STK39: variants seen among roughly 807,000 people sequenced by gnomAD.
STK39 encodes STE20/SPS1-related proline-alanine-rich protein kinase.
Under a neutral mutation model 77.8 loss-of-function variants are expected in STK39, and 20 were observed. The ratio of observed to expected loss-of-function variants is 0.26; its 90% CI spans 0.18 to 0.37. The LOEUF is 0.37. STK39 is among the 10% of genes least tolerant of loss of function. The pLI is 1.00. For synonymous variants in STK39, 246 were observed against 234.1 expected, an observed-to-expected ratio of 1.05 and a Z score of -0.47; for missense variants, 479 against 656.5, an observed-to-expected ratio of 0.73 and a Z score of 2.95.
Position 168,182,058 on chromosome 2 carries a change from GGGC to G in STK39, c.238_240del (p.Ala80del). Reference sequence around the variant, plus strand: ...ACACGTTCTTGCCTGGGTTTGCATAGGGCTGCCTGAACCACAGCAGTAGCTCCA... The same window carrying G: ...ACACGTTCTTGCCTGGGTTTGCATAGTGCCTGAACCACAGCAGTAGCTCCA... On this transcript the variant is annotated inframe_deletion, in exon 2 of 18. Coordinates refer to ENST00000355999, the MANE Select transcript of STK39 (RefSeq NM_013233.3). 1.2e-6 allele frequency: 2 copies of G among 1,613,926 alleles called. No individual in the cohort carries two copies. The highest frequency in any genetic ancestry group is 1.7e-6 in the Non-Finnish European group (2 of 1,179,936).
intron 14 of STK39, among the ~76,000 whole-genome samples, chr2:168,041,520 T>C (rs2105352711): frequency 6.6e-6 from 1 of 152,266 alleles, no homozygotes; most frequent in South Asian, 2.1e-4. Flanking sequence ...CTACAGTATG[T>C]CTGCAAGTGG....
At chr2:168,068,667 T>C (rs1685859882) in intron 12 of STK39, among the ~76,000 whole-genome samples, 1 of 152,250 alleles carries the variant, frequency 6.6e-6, no homozygotes, top group Non-Finnish European at 1.5e-5. Context: ...TTCAGATATA[T>C]TGCAGATTTC....
intron 5 of STK39, among the ~76,000 whole-genome samples, chr2:168,156,321 C>A (rs568714799): frequency 1.3e-5 from 2 of 152,268 alleles, no homozygotes; most frequent in African/African-American, 4.8e-5. Flanking sequence ...ACAGGCAGGT[C>A]CCTCATCTGC....
intron 10 of STK39, among the ~76,000 whole-genome samples, chr2:168,103,645 C>T (rs1484829235): frequency 1.3e-5 from 2 of 152,196 alleles, no homozygotes; most frequent in Non-Finnish European, 2.9e-5. Context: ...TTCTCTTAGA[C>T]TATCTCTTTA....
chr2:168,138,414 C>CT (rs1240306887), intron 7 of STK39, among the ~76,000 whole-genome samples, 193 bp from the exon 8 acceptor site: 17 of 152,302 alleles, frequency 1.1e-4, no homozygotes, highest in Non-Finnish European at 2.5e-4. Flanking sequence ...CCCCTTTAAC[C>CT]TTTTTGTTAT....
At chr2:167,997,063 C>T (rs1477854411) in intron 16 of STK39, among the ~76,000 whole-genome samples, 1 of 149,156 alleles carries the variant, frequency 6.7e-6, no homozygotes, top group Non-Finnish European at 1.5e-5. Flanking sequence ...ATCTAGTTGC[C>T]TACACCCTTC....
intron 17 of STK39, among the ~76,000 whole-genome samples, chr2:167,962,139 C>A (rs1691999976): frequency 6.6e-6 from 1 of 152,108 alleles, no homozygotes; most frequent in Non-Finnish European, 1.5e-5. Flanking sequence ...TGACGTTTTC[C>A]TTTAAAAAGT....
At chr2:168,082,789 G>T (rs1232168491) in intron 10 of STK39, among the ~76,000 whole-genome samples, 1 of 152,142 alleles carries the variant, frequency 6.6e-6, no homozygotes, top group Non-Finnish European at 1.5e-5. Context: ...TGTTCTGTTG[G>T]ATATAAACAC....
chr2:168,246,916 G>C (rs1306706848), intron 1 of STK39, among the ~76,000 whole-genome samples: 1 of 151,932 alleles, frequency 6.6e-6, no homozygotes, highest in Non-Finnish European at 1.5e-5. Context: ...AGATGCGGCG[G>C]CGCCGCCTGG....
intron 14 of STK39, among the ~76,000 whole-genome samples, chr2:168,020,433 A>G (rs1684541069): frequency 6.6e-6 from 1 of 152,112 alleles, no homozygotes; most frequent in Non-Finnish European, 1.5e-5. Context: ...AATTCCACTG[A>G]ATATGTGTGA....
intron 14 of STK39, among the ~76,000 whole-genome samples, chr2:168,041,916 C>T (rs1463391733): frequency 2.0e-5 from 3 of 152,170 alleles, no homozygotes. Context: ...GTCAAGCTCT[C>T]TGCCATGTTA....
At chr2:168,244,380 C>T (rs1455606144) in intron 1 of STK39, among the ~76,000 whole-genome samples, 1 of 152,190 alleles carries the variant, frequency 6.6e-6, no homozygotes, top group African/African-American at 2.4e-5. Flanking sequence ...CCTCCGTGCC[C>T]GTGCCATGCT....
At chr2:168,231,418 C>T (rs1690452297) in intron 1 of STK39, among the ~76,000 whole-genome samples, 1 of 151,734 alleles carries the variant, frequency 6.6e-6, no homozygotes, top group African/African-American at 2.4e-5. Flanking sequence ...AACATGACAC[C>T]AGCACAAGTG....
intron 14 of STK39, among the ~76,000 whole-genome samples, chr2:168,033,085 A>C (rs1684867487): frequency 6.6e-6 from 1 of 152,186 alleles, no homozygotes; most frequent in South Asian, 2.1e-4. Context: ...ACATAAGTAC[A>C]TTCCCAATAA....
intron 1 of STK39, among the ~76,000 whole-genome samples, chr2:168,208,604 C>G (rs1445329241): frequency 6.6e-6 from 1 of 152,198 alleles, no homozygotes; most frequent in Non-Finnish European, 1.5e-5. Context: ...ATGTCTTCTC[C>G]AAGATTCCAA....
chr2:168,064,427 G>A (rs566253155), intron 13 of STK39, among the ~76,000 whole-genome samples: 1 of 152,132 alleles, frequency 6.6e-6, no homozygotes, highest in East Asian at 1.9e-4. Flanking sequence ...ATCCTGACTT[G>A]GCCTCTAACT....
At chr2:168,216,558 C>G (rs944656715) in intron 1 of STK39, among the ~76,000 whole-genome samples, 4 of 152,170 alleles carry the variant, frequency 2.6e-5, no homozygotes, top group African/African-American at 9.7e-5. Context: ...TAGGTTTGGA[C>G]AGTCCAGGAG....
chr2:168,211,173 TA>T (rs1265524930), intron 1 of STK39, among the ~76,000 whole-genome samples: 3 of 152,084 alleles, frequency 2.0e-5, no homozygotes, highest in Non-Finnish European at 4.4e-5. Context: ...ATCTAGACAA[TA>T]AAAATATTTT....
Position 167,955,361 on chromosome 2 carries a change from C to A in STK39, c.*135G>T. 1.3e-6 allele frequency: 1 copy of A among 799,248 alleles called. No individual in the cohort carries two copies. Among genetic ancestry groups the A allele is most frequent in the Non-Finnish European group, 2.0e-6 (1 of 507,782 alleles). 49.5% of individuals were successfully genotyped at this position (799,248 alleles called of 1,614,324 possible). ...TTTATCCCATTTTGTTGAAGCCGGC[C>A]TCTTCACAATCTTCTGATTTTGCTA... On this transcript the variant is annotated 3_prime_UTR_variant, in exon 18 of 18. Coordinates refer to ENST00000355999, the MANE Select transcript of STK39 (RefSeq NM_013233.3).
Sources: gnomAD v4.1 joint callset for allele counts (sites outside exome capture counted in the v4.1 genomes callset) on GRCh38, gnomAD v4.1.1 for gene constraint, MANE v1.5 for transcripts, NCBI Gene and HGNC (gene_info 2026-07-23, HGNC 2026-07-21) for gene names.